The following NEDD4 variants were observed in gnomAD, a reference collection of about 807,000 sequenced individuals.
NEDD4 encodes E3 ubiquitin-protein ligase NEDD4.
A neutral mutation model predicts 144.9 loss-of-function variants in NEDD4; 99 were observed. The observed-to-expected ratio is 0.68, with a 90% CI of 0.58 to 0.81. NEDD4 has a LOEUF of 0.81. Ranked by LOEUF, NEDD4 falls within the 30% of genes least tolerant of loss-of-function variation. The pLI is 0.00. For missense variants in NEDD4, 985 were observed against 1,065.9 expected (o/e 0.92, Z 1.06); for synonymous variants, 318 against 350.6 (o/e 0.91, Z 1.04).
chr15:55,955,493 C>A (rs1345608281), intron 2 of NEDD4, among the ~76,000 whole-genome samples: 2 of 152,170 alleles, frequency 1.3e-5, no homozygotes, highest in African/African-American at 4.8e-5. Flanking sequence ...CACCCCAACA[C>A]AGCAACCAGC....
chr15:55,831,202 G>A (rs562621984), intron 27 of NEDD4, among the ~76,000 whole-genome samples: 1 of 152,218 alleles, frequency 6.6e-6, no homozygotes, highest in South Asian at 2.1e-4. Context: ...TTACAGGCAT[G>A]AGCTACCGCA....
At chr15:55,888,399 C>G (rs1325814556) in intron 5 of NEDD4, among the ~76,000 whole-genome samples, 1 of 151,924 alleles carries the variant, frequency 6.6e-6, no homozygotes, top group Non-Finnish European at 1.5e-5. Context: ...AAATAAATTA[C>G]CTAGGAATTA....
chr15:55,839,515 A>G (rs1292895977), intron 21 of NEDD4, among the ~76,000 whole-genome samples: 1 of 152,188 alleles, frequency 6.6e-6, no homozygotes, highest in Non-Finnish European at 1.5e-5. Context: ...TAAAAAATGA[A>G]CTTGGTACTA....
Position 55,920,005 on chromosome 15 carries a change from C to T in NEDD4, c.291+4641G>A, listed in dbSNP as rs573300098. Among the ~76,000 whole-genome samples, 181 of 152,208 alleles carry T rather than the reference C, an allele frequency of 1.2e-3. 4 individuals carry two copies. In the South Asian group the frequency reaches 0.036, roughly 31 times the overall value. On this transcript the variant is annotated intron_variant, in intron 5 of 28. Coordinates refer to ENST00000435532, the MANE Select transcript of NEDD4 (RefSeq NM_006154.4). The stretch of plus-strand genomic sequence containing the variant: ...AGTAGACTCTGAGTAGAGCACATTA[C>T]CCTCCACAATGTGTGTGGGTCTCAT...
chr15:55,874,065 G>A (rs2034904700), intron 5 of NEDD4, 57 bp from the exon 6 acceptor site: 16 of 986,140 alleles, frequency 1.6e-5, no homozygotes, highest in Non-Finnish European at 2.3e-5. Flanking sequence ...CTTTAGAAGA[G>A]TTTGATGAGA....
chr15:55,979,455 G>A (rs1309138520), intron 1 of NEDD4, among the ~76,000 whole-genome samples: 2 of 141,888 alleles, frequency 1.4e-5, no homozygotes, highest in East Asian at 2.2e-4. Flanking sequence ...CCGGGTTCAC[G>A]CCATTCTCCT....
intron 28 of NEDD4, 23 bp from the exon 29 acceptor site, chr15:55,830,022 G>T: frequency 6.4e-7 from 1 of 1,558,636 alleles, no homozygotes; most frequent in African/African-American, 1.4e-5. Flanking sequence ...AGAGGAAGTG[G>T]TTATGAAAGA....
chr15:55,859,947 C>G (rs1239479960), intron 11 of NEDD4, among the ~76,000 whole-genome samples: 1 of 152,182 alleles, frequency 6.6e-6, no homozygotes, highest in African/African-American at 2.4e-5. Flanking sequence ...AGCCTCACTA[C>G]AGATAAGATT....
chr15:55,883,082 C>G (rs1234414312), intron 5 of NEDD4, among the ~76,000 whole-genome samples: 1 of 152,166 alleles, frequency 6.6e-6, no homozygotes, highest in Non-Finnish European at 1.5e-5. Context: ...CACCAAGCCT[C>G]TTGGGGTCCT....
Position 55,876,323 on chromosome 15 carries a change from C to A in NEDD4, c.292-2315G>T, listed in dbSNP as rs149466275. ...CAGATCTAAAGAGAGTAATAAAGAG[C>A]ACCAGAAAATGGTAAATATGTGGGT... On this transcript the variant is annotated intron_variant, in intron 5 of 28. Transcript: ENST00000435532. Among the ~76,000 whole-genome samples, 5 of 150,212 alleles carry A rather than the reference C, an allele frequency of 3.3e-5. No individual in the cohort carries two copies. The East Asian group carries it at 9.8e-4, about 29-fold the overall frequency.
intron 5 of NEDD4, among the ~76,000 whole-genome samples, chr15:55,892,095 G>A (rs903088737): frequency 6.6e-6 from 1 of 151,654 alleles, no homozygotes; most frequent in Non-Finnish European, 1.5e-5. Flanking sequence ...GCCAAACCCC[G>A]TCTCTACTAA....
intron 2 of NEDD4, among the ~76,000 whole-genome samples, chr15:55,958,867 C>G (rs907129797): frequency 2.7e-5 from 4 of 149,000 alleles, no homozygotes; most frequent in Non-Finnish European, 6.0e-5. Flanking sequence ...TAGCAATGCC[C>G]CAGTTTTCAT....
At chr15:55,982,867 A>C (rs2037826220) in intron 1 of NEDD4, among the ~76,000 whole-genome samples, 1 of 152,180 alleles carries the variant, frequency 6.6e-6, no homozygotes, top group Admixed American at 6.5e-5. Context: ...CACACCTGTA[A>C]TCCCAGCACT....
chr15:55,870,779 C>T (rs751095109), intron 7 of NEDD4, among the ~76,000 whole-genome samples: 3 of 152,062 alleles, frequency 2.0e-5, no homozygotes, highest in African/African-American at 7.2e-5. Flanking sequence ...AAGCAATCCA[C>T]CCACCTAAGC....
rs374552942 is a variant in NEDD4 at position 55,840,775 on chromosome 15, T to G, written c.1839-48A>C. 34 of 1,544,902 alleles carry G rather than the reference T, an allele frequency of 2.2e-5. 1 individual carries two copies. The highest frequency in any genetic ancestry group is 3.4e-4 in the Middle Eastern group (2 of 5,840). ...ATACTTCATTTGAAAAACTTTAATATGACAAATAATTACAAATAATCTTCC... is the reference window on the plus strand; with the variant it reads ...ATACTTCATTTGAAAAACTTTAATAGGACAAATAATTACAAATAATCTTCC... On this transcript the variant is annotated intron_variant, in intron 19 of 28. Coordinates refer to ENST00000435532, the MANE Select transcript of NEDD4 (RefSeq NM_006154.4).
chr15:55,891,547 T>G (rs915601698), intron 5 of NEDD4, among the ~76,000 whole-genome samples: 1 of 152,226 alleles, frequency 6.6e-6, no homozygotes, highest in Non-Finnish European at 1.5e-5. Flanking sequence ...TTGAACTGCA[T>G]GCAGCCTACT....
chr15:55,924,503 T>C (rs2036626514), intron 5 of NEDD4, 143 bp downstream of exon 5: 1 of 651,080 alleles, frequency 1.5e-6, no homozygotes, highest in Non-Finnish European at 2.7e-6. Context: ...AAACAAATTC[T>C]ATCTCCCTCA....
At chr15:55,959,777 A>G (rs2037396519) in intron 2 of NEDD4, among the ~76,000 whole-genome samples, 1 of 152,308 alleles carries the variant, frequency 6.6e-6, no homozygotes, top group Admixed American at 6.5e-5. Flanking sequence ...AAACGCTCAG[A>G]CTGGCAGCAT....
chr15:55,921,059 C>T (rs538741185), intron 5 of NEDD4, among the ~76,000 whole-genome samples: 3 of 152,224 alleles, frequency 2.0e-5, no homozygotes, highest in South Asian at 2.1e-4. Context: ...GCTACAAACG[C>T]GTTAAGTCTA....
Sources: allele counts gnomAD v4.1 joint callset (sites outside exome capture counted in the v4.1 genomes callset), GRCh38; gene constraint gnomAD v4.1.1; transcripts MANE v1.5; gene names NCBI Gene and HGNC (gene_info 2026-07-23, HGNC 2026-07-21).